Variants in CCND3 observed in about 807,000 individuals in gnomAD.
The protein encoded by CCND3 is cyclin D3.
Under a neutral mutation model 28.7 loss-of-function variants are expected in CCND3, and 9 were observed. That is an observed-to-expected ratio of 0.31 (90% CI 0.19 to 0.55). The LOEUF is 0.55. Among genes scored for constraint, CCND3 ranks in the 20% least tolerant of loss-of-function variants. The pLI is 0.93. For missense variants in CCND3, 315 were observed against 385.8 expected (o/e 0.82, Z 1.54); for synonymous variants, 164 against 163.9 (o/e 1.00, Z 0.00).
Position 41,956,755 on chromosome 6 carries a change from G to A in CCND3, c.-45-16170C>T, listed in dbSNP as rs1053897204. ...TAATATAAAACAATGGTGGCCAGGC[G>A]CGGTGGCTCAAGCCTGTAATCCCAG... is the stretch of plus-strand genomic sequence containing the variant. On this transcript the variant is annotated intron_variant, in intron 1 of 4. Transcript: ENST00000372988. Among the ~76,000 whole-genome samples, 4 of 152,200 alleles carry A rather than the reference G, an allele frequency of 2.6e-5. No individual in the cohort carries two copies. In the East Asian group the frequency reaches 5.8e-4, roughly 22 times the overall value.
chr6:41,947,122 G>A (rs1474267922), intron 1 of CCND3, among the ~76,000 whole-genome samples: 1 of 152,024 alleles, frequency 6.6e-6, no homozygotes, highest in African/African-American at 2.4e-5. Flanking sequence ...TCAGGAGGCT[G>A]AGGAAGGAGA....
In CCND3 at chr6:42,048,668, C is replaced by T. The variant is rs936442978; in HGVS notation, c.-213G>A. 4 of 518,238 alleles carry T rather than the reference C, an allele frequency of 7.7e-6. No homozygotes were observed. Among genetic ancestry groups the T allele is most frequent in the Non-Finnish European group, 1.5e-5 (4 of 259,638 alleles). 32.1% of individuals were successfully genotyped at this position (518,238 alleles called of 1,614,324 possible). A position where few individuals can be genotyped will look rare whatever the true frequency, so the allele number is the denominator to read the frequency against. On this transcript the variant is annotated 5_prime_UTR_variant, in exon 1 of 5. Coordinates refer to the CCND3 transcript ENST00000372988. This position sits in a 1 kb window ranked among gnomAD's most constrained non-coding sequence, Gnocchi z 4.7. ...GCATCCGAACAGAGCCAGTCTCCAC[C>T]CCTGCAGTGGCGAAGTGTTTACAAA...
At chr6:42,006,548 AC>A (rs945363158) in intron 1 of CCND3, among the ~76,000 whole-genome samples, 4 of 152,200 alleles carry the variant, frequency 2.6e-5, no homozygotes, top group South Asian at 2.1e-4. Flanking sequence ...TTGAAAAAAA[AC>A]AACTTCATTA....
chr6:41,967,428 A>T (rs1213760332), intron 1 of CCND3, among the ~76,000 whole-genome samples: 1 of 152,230 alleles, frequency 6.6e-6, no homozygotes, highest in Non-Finnish European at 1.5e-5. Context: ...GTCACTTATG[A>T]CACTGGGCAA....
intron 1 of CCND3, among the ~76,000 whole-genome samples, chr6:42,002,076 T>C (rs920822682): frequency 6.6e-6 from 1 of 150,620 alleles, no homozygotes; most frequent in African/African-American, 2.4e-5. Flanking sequence ...GAAAGCGCCA[T>C]TGTACTCCAG....
intron 1 of CCND3, among the ~76,000 whole-genome samples, chr6:41,992,551 C>T (rs1024413922): frequency 6.9e-5 from 10 of 145,408 alleles, no homozygotes; most frequent in African/African-American, 2.6e-4. Context: ...CGGGTTCAGA[C>T]AATTCTCCTG....
At chr6:42,038,169 G>A (rs1764280424) in intron 1 of CCND3, among the ~76,000 whole-genome samples, 1 of 152,034 alleles carries the variant, frequency 6.6e-6, no homozygotes, top group Non-Finnish European at 1.5e-5. Flanking sequence ...TCCAAGCCTG[G>A]TTATCTAGTT....
At chr6:42,001,629 G>C (rs115972896) in intron 1 of CCND3, among the ~76,000 whole-genome samples, 2,695 of 152,248 alleles carry the variant, frequency 0.018, 53 homozygotes, top group South Asian at 0.074. Flanking sequence ...TGTAATCGCA[G>C]CTACTGGGTG....
intron 1 of CCND3, among the ~76,000 whole-genome samples, chr6:41,965,322 C>A (rs1761860633): frequency 6.6e-6 from 1 of 152,090 alleles, no homozygotes; most frequent in South Asian, 2.1e-4. Context: ...CCTGCCCCGG[C>A]CTCCCAAAGT....
At chr6:41,973,431 T>C (rs6920885) in intron 1 of CCND3, among the ~76,000 whole-genome samples, 78,161 of 152,010 alleles carry the variant, frequency 0.51, 20,227 homozygotes, top group East Asian at 0.6. Context: ...GAGGACTCAT[T>C]AAATAATTAT....
chr6:41,999,109 G>A (rs2127420200), intron 1 of CCND3, among the ~76,000 whole-genome samples: 1 of 152,308 alleles, frequency 6.6e-6, no homozygotes. Flanking sequence ...AGCTAGAAGT[G>A]GCCAACGTAG....
chr6:41,961,908 G>C (rs913314898), intron 1 of CCND3, among the ~76,000 whole-genome samples: 4 of 152,046 alleles, frequency 2.6e-5, no homozygotes, highest in African/African-American at 9.7e-5. Context: ...TTCTTTCTCA[G>C]CTCCTCCTGC....
intron 1 of CCND3, among the ~76,000 whole-genome samples, chr6:42,041,053 C>A (rs1258954767): frequency 6.6e-6 from 1 of 152,122 alleles, no homozygotes; most frequent in Non-Finnish European, 1.5e-5. Context: ...TTATTATCAC[C>A]AACATCTTGA....
intron 1 of CCND3, among the ~76,000 whole-genome samples, chr6:41,967,335 A>T (rs1761915707): frequency 6.6e-6 from 1 of 152,186 alleles, no homozygotes; most frequent in Non-Finnish European, 1.5e-5. Context: ...TGAATGAAAA[A>T]TTAATAAGTA....
rs1475274376 is a variant in CCND3 at position 41,941,741 on chromosome 6, T to C, written c.-92A>G. 2.1e-6 allele frequency: 2 copies of C among 956,816 alleles called. No homozygotes were observed. 59.3% of individuals were successfully genotyped at this position (956,816 alleles called of 1,614,324 possible). ...AGAGCGCGGGGCGCGGGTCTGGCGCTGGCGCTGGCACTGCGCGGCGGATCC... is the reference window on the plus strand; with the variant it reads ...AGAGCGCGGGGCGCGGGTCTGGCGCCGGCGCTGGCACTGCGCGGCGGATCC... On this transcript the variant is annotated 5_prime_UTR_variant, in exon 1 of 5. Coordinates refer to ENST00000372991, the MANE Select transcript of CCND3 (RefSeq NM_001760.5). The surrounding 1 kb of genome is among the most constrained non-coding windows in gnomAD (Gnocchi z 6.1).
In CCND3 at chr6:41,941,599, C is replaced by T. The variant is rs745825762; in HGVS notation, c.51G>A (p.Pro17=). 1.0e-5 allele frequency: 16 copies of T among 1,532,700 alleles called. No homozygotes were observed. The highest frequency in any genetic ancestry group is 2.6e-6 in the Non-Finnish European group (3 of 1,137,682). The allele number at this position is 1,532,700 out of a possible 1,614,324, so 94.9% of individuals were successfully genotyped here. ...GCTGGTCCCCCAGCAGCCGCGGGTC[C>T]GGCCCGGCCCGGGGCGCGTGCCGGG... ...EGTRHAPRAG[P]DPRLLGDQRV... The change falls in exon 1 of 5, where the codon CCG becomes CCA. Residue 17 remains proline (P), a synonymous_variant. Coordinates refer to ENST00000372991, the MANE Select transcript of CCND3 (RefSeq NM_001760.5). This position sits in a 1 kb window ranked among gnomAD's most constrained non-coding sequence, Gnocchi z 6.1.
In CCND3 at chr6:42,024,170, G is replaced by A. The variant is rs145593418; in HGVS notation, c.-46+24331C>T. ...TGTAATCCCAGCACTTTGGGAGGCC[G>A]AGGCAGGTGGATCACGAGGTCAGGA... is the stretch of plus-strand genomic sequence containing the variant. On this transcript the variant is annotated intron_variant, in intron 1 of 4. Transcript: ENST00000372988. Among the ~76,000 whole-genome samples the A allele has an allele frequency of 2.9e-3, 441 of 152,184 alleles. 1 individual carries two copies. The Middle Eastern group carries it at 0.031, about 11-fold the overall frequency.
In CCND3 at chr6:41,941,299, T is replaced by C. The variant is rs1301234742; in HGVS notation, c.198+153A>G. On this transcript the variant is annotated intron_variant, in intron 1 of 4. Transcript: ENST00000372991. This position sits in a 1 kb window ranked among gnomAD's most constrained non-coding sequence, Gnocchi z 6.1. ...GGCTCGGGAAAGCAAGGGAGGCAGC[T>C]GGCGTGGGTGCCCTAGTGAAAGGCC... 3 of 1,452,388 alleles carry C rather than the reference T, an allele frequency of 2.1e-6. No individual in the cohort carries two copies. The highest frequency in any genetic ancestry group is 9.1e-7 in the Non-Finnish European group (1 of 1,104,928). 90.0% of individuals were successfully genotyped at this position (1,452,388 alleles called of 1,614,324 possible).
intron 1 of CCND3, among the ~76,000 whole-genome samples, chr6:42,031,813 C>CTTTT (rs35518846): frequency 2.3e-5 from 3 of 128,896 alleles, no homozygotes; most frequent in Non-Finnish European, 4.9e-5. Context: ...GCAACTGACT[C>CTTTT]TTTTTTTTTT....
Sources: gnomAD v4.1 joint callset for allele counts (sites outside exome capture counted in the v4.1 genomes callset) on GRCh38, gnomAD v4.1.1 for gene constraint, Gnocchi (gnomAD v3.1) non-coding constraint, MANE v1.5 for transcripts, NCBI Gene and HGNC (gene_info 2026-07-23, HGNC 2026-07-21) for gene names.